Variants in SIPA1L2 observed in about 807,000 individuals in gnomAD.
SIPA1L2 encodes the protein signal-induced proliferation-associated 1-like protein 2.
In SIPA1L2, 56 loss-of-function variants were observed where a neutral mutation model predicts 163.9. The observed-to-expected ratio is 0.34, with a 90% CI of 0.28 to 0.43. The LOEUF is 0.43. Ranked by LOEUF, SIPA1L2 falls within the 20% of genes least tolerant of loss-of-function variation. The pLI, the probability that SIPA1L2 is intolerant of heterozygous loss-of-function variation, is 1.00. For missense variants in SIPA1L2, 1,974 were observed against 2,193.5 expected (o/e 0.90, Z 2.00); for synonymous variants, 877 against 865.7 (o/e 1.01, Z -0.23).
chr1:232,509,017 G>A (rs1471616890), intron 3 of SIPA1L2, among the ~76,000 whole-genome samples: 4 of 152,194 alleles, frequency 2.6e-5, no homozygotes, highest in African/African-American at 7.2e-5. Context: ...GCTTGAACCC[G>A]GGAGGCAGAG....
chr1:232,437,390 T>G (rs1163565823), intron 15 of SIPA1L2, among the ~76,000 whole-genome samples: 1 of 152,204 alleles, frequency 6.6e-6, no homozygotes, highest in Non-Finnish European at 1.5e-5. Context: ...CTGATAATCC[T>G]TAATTATTAT....
In SIPA1L2 at chr1:232,471,387, C is replaced by T. The variant is rs183735659; in HGVS notation, c.2227G>A (p.Glu743Lys). The change falls in exon 8 of 23, where the codon GAA becomes AAA. Residue 743 changes from glutamate (E) to lysine (K), a missense_variant. By Grantham distance (56) the Glu-to-Lys change is moderately conservative (BLOSUM62 1). Around this residue, in one of 3 missense-constraint regions of SIPA1L2, gnomAD observed 288 missense variants for 418.9 expected, o/e 0.69. Coordinates refer to ENST00000674635, the MANE Select transcript of SIPA1L2 (RefSeq NM_020808.5). Reference protein sequence around the residue: ...VIVKVHNPCTENVCYSVGVSR... With the variant: ...VIVKVHNPCTKNVCYSVGVSR... ...CTGACTCACCTATAACACACATTTT[C>T]GGTACATGGATTATGCACTTTGACT... 2.4e-5 allele frequency: 38 copies of T among 1,613,586 alleles called. No individual in the cohort carries two copies. The highest frequency in any genetic ancestry group is 5.0e-5 in the Admixed American group (3 of 59,912).
At chr1:232,618,448 GT>G (rs1431921957) in intron 1 of SIPA1L2, among the ~76,000 whole-genome samples, 1 of 152,186 alleles carries the variant, frequency 6.6e-6, no homozygotes, top group African/African-American at 2.4e-5. Flanking sequence ...AAGGTCAGGA[GT>G]TCGAGACCAG....
rs572716659 is a variant in SIPA1L2 at position 232,592,672 on chromosome 1, AAAC to A, written c.-318-18453_-318-18451del. 3.9e-4 allele frequency among the ~76,000 whole-genome samples: 59 copies of A among 152,272 alleles called. No individual in the cohort carries two copies. The South Asian group carries it at 8.3e-3, about 21-fold the overall frequency. ...GTAAACTGCCAGGTTTTCTAGAACTAAACAACAACAACAACAAATCTTTTTTAA... is the reference window on the plus strand; with the variant it reads ...GTAAACTGCCAGGTTTTCTAGAACTAAACAACAACAACAAATCTTTTTTAA... On this transcript the variant is annotated intron_variant, in intron 1 of 22. Coordinates refer to ENST00000674635, the MANE Select transcript of SIPA1L2 (RefSeq NM_020808.5).
intron 10 of SIPA1L2, among the ~76,000 whole-genome samples, chr1:232,457,303 T>A (rs1367594250): frequency 1.3e-5 from 2 of 152,204 alleles, no homozygotes; most frequent in Non-Finnish European, 2.9e-5. Context: ...GGCTCCCATG[T>A]CAAATGATTT....
Position 232,514,128 on chromosome 1 carries a change from G to A in SIPA1L2, c.1212C>T (p.Asp404=). 1 of 1,614,214 alleles carries A rather than the reference G, an allele frequency of 6.2e-7. No individual in the cohort carries two copies. Among genetic ancestry groups the A allele is most frequent in the Non-Finnish European group, 8.5e-7 (1 of 1,180,040 alleles). ...TAAAGTAAGGACAACTAAGGACGAG[G>A]TCGTTACTTTTCCCATCACCCTCAT... ...DADEGDGKSN[D]LVLSCPYFRN... is the part of the protein sequence containing the mutation. Residue 404 remains aspartate (D), a synonymous_variant, in exon 3 of 23, where the codon GAC becomes GAT. Coordinates refer to ENST00000674635, the MANE Select transcript of SIPA1L2 (RefSeq NM_020808.5).
intron 1 of SIPA1L2, among the ~76,000 whole-genome samples, chr1:232,616,210 A>T (rs1573180340): frequency 1.3e-5 from 2 of 152,220 alleles, no homozygotes; most frequent in South Asian, 2.1e-4. Context: ...ATCCTACAGT[A>T]GAGAGGAATA....
At chr1:232,452,368 C>G (rs1172109953) in intron 10 of SIPA1L2, among the ~76,000 whole-genome samples, 1 of 152,168 alleles carries the variant, frequency 6.6e-6, no homozygotes, top group Non-Finnish European at 1.5e-5. Context: ...CTGCCAAGTA[C>G]TGTAGTGTAT....
At chr1:232,509,461 G>T (rs769503177) in intron 3 of SIPA1L2, among the ~76,000 whole-genome samples, 2 of 152,114 alleles carry the variant, frequency 1.3e-5, no homozygotes, top group Non-Finnish European at 2.9e-5. Context: ...TTTCCAAAGA[G>T]AAAATCCTTG....
intron 5 of SIPA1L2, among the ~76,000 whole-genome samples, chr1:232,484,398 T>G (rs1665541221): frequency 6.6e-6 from 1 of 152,212 alleles, no homozygotes. Flanking sequence ...CTTTTATTTC[T>G]TTATCTGAAT....
chr1:232,602,329 TTTG>T (rs557199678), intron 1 of SIPA1L2, among the ~76,000 whole-genome samples: 22 of 152,140 alleles, frequency 1.4e-4, no homozygotes, highest in East Asian at 1.4e-3. Flanking sequence ...CAGAAGGTTT[TTTG>T]TTTTGTTTTG....
chr1:232,432,575 G>A, intron 15 of SIPA1L2, 104 bp from the exon 16 acceptor site: 2 of 1,085,750 alleles, frequency 1.8e-6, no homozygotes, highest in Non-Finnish European at 2.7e-6. Context: ...CTTTCTCCGA[G>A]AGCAAAATCG....
chr1:232,447,379 C>G (rs1039927542), intron 10 of SIPA1L2, among the ~76,000 whole-genome samples: 1 of 152,242 alleles, frequency 6.6e-6, no homozygotes, highest in Non-Finnish European at 1.5e-5. Flanking sequence ...CCAGCCCCGC[C>G]TCCTGGCAAT....
At chr1:232,563,956 C>CGT (rs34854572) in intron 2 of SIPA1L2, among the ~76,000 whole-genome samples, 5,687 of 72,112 alleles carry the variant, frequency 0.079, 300 homozygotes, top group Middle Eastern at 0.11. Flanking sequence ...TTTTTTTTTT[C>CGT]GTGTGTGTGT....
chr1:232,621,616 C>T (rs187145944), intron 1 of SIPA1L2, among the ~76,000 whole-genome samples: 1 of 152,284 alleles, frequency 6.6e-6, no homozygotes, highest in East Asian at 1.9e-4. Context: ...TGAGAGAACA[C>T]AAATGAAAGT....
chr1:232,567,975 C>A (rs767065176), intron 2 of SIPA1L2, among the ~76,000 whole-genome samples: 1 of 152,220 alleles, frequency 6.6e-6, no homozygotes, highest in African/African-American at 2.4e-5. Context: ...AGCTTCCAGA[C>A]AGCTGAACAC....
At position 232,576,130 on chromosome 1, in the gene SIPA1L2, C is replaced by T. The variant is rs184601771; in HGVS notation, c.-318-1908G>A. Among the ~76,000 whole-genome samples the T allele has an allele frequency of 3.4e-3, 512 of 152,290 alleles. 3 individuals are homozygous for T. Among genetic ancestry groups the T allele is most frequent in the African/African-American group, 8.2e-3 (342 of 41,562 alleles). On this transcript the variant is annotated intron_variant, in intron 1 of 22. Transcript: ENST00000674635. ...TCTCAATCTACGTAACATCAGTGGACGTCTAGTACCGTCAGGGACTCAGAC... is the reference window on the plus strand; with the variant it reads ...TCTCAATCTACGTAACATCAGTGGATGTCTAGTACCGTCAGGGACTCAGAC...
chr1:232,563,425 G>C (rs541621799), intron 2 of SIPA1L2, among the ~76,000 whole-genome samples: 1 of 152,162 alleles, frequency 6.6e-6, no homozygotes, highest in African/African-American at 2.4e-5. Flanking sequence ...ACAGAGGTGG[G>C]GTGCATGACT....
chr1:232,398,672 A>G lies in SIPA1L2; in HGVS notation c.*455T>C, dbSNP rs529514780. On this transcript the variant is annotated 3_prime_UTR_variant, in exon 23 of 23. Coordinates refer to ENST00000674635, the MANE Select transcript of SIPA1L2 (RefSeq NM_020808.5). Reference sequence around the variant, plus strand: ...AAAACTACTGTACATCCAAAAAAATAGAGCACCTTTAACATTAAAGTATAT... The same window carrying G: ...AAAACTACTGTACATCCAAAAAAATGGAGCACCTTTAACATTAAAGTATAT... 6.5e-6 allele frequency: 1 copy of G among 153,902 alleles called. No homozygotes were observed. Among genetic ancestry groups the G allele is most frequent in the Non-Finnish European group, 1.5e-5 (1 of 68,854 alleles). The allele number at this position is 153,902 out of a possible 1,614,324, so 9.5% of individuals were successfully genotyped here.
Sources: gnomAD v4.1 joint callset for allele counts (sites outside exome capture counted in the v4.1 genomes callset) on GRCh38, gnomAD v4.1.1 for gene constraint, gnomAD v4.1.1 regional missense constraint, MANE v1.5 for transcripts, NCBI Gene and HGNC (gene_info 2026-07-23, HGNC 2026-07-21) for gene names.